Variants in CPED1 observed in about 807,000 individuals in gnomAD.
CPED1 encodes the protein cadherin-like and PC-esterase domain-containing protein 1.
In CPED1, 114 loss-of-function variants were observed where a neutral mutation model predicts 128.2. The observed-to-expected ratio is 0.89, with a 90% CI of 0.76 to 1.04. The LOEUF is 1.04. Ranked by LOEUF, CPED1 falls within the 50% of genes least tolerant of loss-of-function variation. The pLI, the probability that CPED1 is intolerant of heterozygous loss-of-function variation, is 0.00. For missense variants in CPED1, 1,211 were observed against 1,207.1 expected, an observed-to-expected ratio of 1.00 and a Z score of -0.05; for synonymous variants, 462 against 426.7, an observed-to-expected ratio of 1.08 and a Z score of -1.02.
chr7:121,191,026 C>T (rs915400066), intron 16 of CPED1, among the ~76,000 whole-genome samples: 1 of 152,078 alleles, frequency 6.6e-6, no homozygotes, highest in African/African-American at 2.4e-5. Context: ...AGTATTGTTC[C>T]TTTAGCCTAT....
chr7:121,191,091 T>A (rs1426686982), intron 16 of CPED1, among the ~76,000 whole-genome samples: 1 of 152,096 alleles, frequency 6.6e-6, no homozygotes, highest in Non-Finnish European at 1.5e-5. Context: ...AAATAGAGAA[T>A]TAATGGAATG....
intron 18 of CPED1, among the ~76,000 whole-genome samples, chr7:121,265,745 C>T (rs1310055128): frequency 1.3e-5 from 2 of 151,994 alleles, no homozygotes; most frequent in Non-Finnish European, 2.9e-5. Flanking sequence ...CTAGGACATG[C>T]ACCGCTGTTC....
intron 7 of CPED1, among the ~76,000 whole-genome samples, chr7:121,110,809 T>G (rs1795090777): frequency 6.6e-6 from 1 of 152,158 alleles, no homozygotes; most frequent in Non-Finnish European, 1.5e-5. Flanking sequence ...GAGAACAGAT[T>G]GAAGAGAATT....
intron 16 of CPED1, among the ~76,000 whole-genome samples, chr7:121,144,106 A>G (rs760967674): frequency 2.0e-5 from 3 of 152,114 alleles, no homozygotes; most frequent in Non-Finnish European, 2.9e-5. Flanking sequence ...AAACTAGTAC[A>G]GCCACTGTGG....
chr7:121,187,011 C>A lies in CPED1; in HGVS notation c.2055+44870C>A, dbSNP rs146397145. On this transcript the variant is annotated intron_variant, in intron 16 of 22. Coordinates refer to ENST00000310396, the MANE Select transcript of CPED1 (RefSeq NM_024913.5). ...CTGCCCCTGGGCTCTGGAGCACATT[C>A]ATTCATTCATTCTAGATGCAATTTT... Among the ~76,000 whole-genome samples, 832 of 152,306 alleles carry A rather than the reference C, an allele frequency of 5.5e-3. 6 individuals carry two copies. The highest frequency in any genetic ancestry group is 0.018 in the African/African-American group (767 of 41,576).
chr7:121,113,326 A>G (rs1257028317), intron 7 of CPED1, among the ~76,000 whole-genome samples: 1 of 152,198 alleles, frequency 6.6e-6, no homozygotes, highest in African/African-American at 2.4e-5. Context: ...GGGGAGAGTT[A>G]TATATTTATA....
intron 21 of CPED1, among the ~76,000 whole-genome samples, chr7:121,270,961 G>A (rs776602197): frequency 1.4e-4 from 21 of 151,864 alleles, no homozygotes; most frequent in Non-Finnish European, 2.4e-4. Context: ...GATTGCTTTC[G>A]GCAGTAATGT....
At position 121,141,019 on chromosome 7, in the gene CPED1, A is replaced by C. The variant is rs1378732084; in HGVS notation, c.1886+6A>C. The stretch of plus-strand genomic sequence containing the variant: ...TACGAGCAGGCAGGGCCAAGGTATG[A>C]GATGTTGACTGGGGCTGTGTTGAGA... On this transcript the variant is annotated splice_donor_region_variant and intron_variant, in intron 15 of 22. Coordinates refer to ENST00000310396, the MANE Select transcript of CPED1 (RefSeq NM_024913.5). The C allele has an allele frequency of 1.2e-6, 2 of 1,603,234 alleles. No homozygotes were observed. The highest frequency in any genetic ancestry group is 2.2e-5 in the East Asian group (1 of 44,586).
intron 2 of CPED1, among the ~76,000 whole-genome samples, chr7:121,013,704 A>G (rs780282615): frequency 9.9e-5 from 15 of 152,216 alleles, no homozygotes; most frequent in Non-Finnish European, 1.9e-4. Context: ...TTAGATGCAG[A>G]GTTTGTGTCC....
intron 7 of CPED1, among the ~76,000 whole-genome samples, chr7:121,117,999 A>G (rs1448853219): frequency 6.6e-6 from 1 of 152,080 alleles, no homozygotes; most frequent in Non-Finnish European, 1.5e-5. Context: ...TAGGTAACAA[A>G]TCCTTCACAA....
At chr7:121,091,048 G>T (rs572600871) in intron 5 of CPED1, among the ~76,000 whole-genome samples, 3 of 151,682 alleles carry the variant, frequency 2.0e-5, no homozygotes, top group Non-Finnish European at 4.4e-5. Context: ...AATAGTTCCT[G>T]GAGTTTTGTC....
intron 16 of CPED1, among the ~76,000 whole-genome samples, chr7:121,214,792 G>A (rs1198902403): frequency 6.6e-6 from 1 of 151,984 alleles, no homozygotes; most frequent in African/African-American, 2.4e-5. Context: ...AGTTTTGAAA[G>A]CATTAGCATT....
rs754472602 is a variant in CPED1, at chr7:121,127,095, C to T, written c.1140C>T (p.His380=). The change falls in exon 10 of 23, where the codon CAC becomes CAT. Residue 380 remains histidine (H), a synonymous_variant. Transcript: ENST00000310396. ...GTGCTTTTGTTCTTTCAAAGGTACA[C>T]GAGCATTTAAATTTTCAAGATTATG... The part of the protein sequence containing the change: ...SFMYPVVLQV[H]EHLNFQDYDN... 55 of 1,584,858 alleles carry T rather than the reference C, an allele frequency of 3.5e-5. No individual in the cohort carries two copies. Among genetic ancestry groups the T allele is most frequent in the African/African-American group, 5.4e-5 (4 of 73,446 alleles).
In CPED1 at chr7:121,008,454, C is replaced by T. The variant is rs143326818; in HGVS notation, c.250-7211C>T. On this transcript the variant is annotated intron_variant, in intron 2 of 22. Coordinates refer to ENST00000310396, the MANE Select transcript of CPED1 (RefSeq NM_024913.5). ...GGCCTTCAAGGTCAACAGCAAGGAC[C>T]TTCAAGAGAAAAAAGACAATTCTTC... Among the ~76,000 whole-genome samples, 757 of 152,168 alleles carry T rather than the reference C, an allele frequency of 5.0e-3. 4 individuals carry two copies. Among genetic ancestry groups the T allele is most frequent in the Middle Eastern group, 0.02 (6 of 294 alleles).
chr7:121,231,059 T>C (rs974187532), intron 16 of CPED1, among the ~76,000 whole-genome samples: 5 of 151,992 alleles, frequency 3.3e-5, no homozygotes, highest in Non-Finnish European at 1.5e-5. Context: ...GGTTATGCCA[T>C]GAAGATGAAT....
intron 22 of CPED1, among the ~76,000 whole-genome samples, chr7:121,278,181 T>C (rs1792366977): frequency 6.6e-6 from 1 of 151,964 alleles, no homozygotes; most frequent in South Asian, 2.1e-4. Flanking sequence ...AAATATTGGA[T>C]TTAAAGGAGG....
At position 121,128,417 on chromosome 7, in the gene CPED1, G is replaced by A. The variant is rs1795562021; in HGVS notation, c.1338G>A (p.Leu446=). The A allele has an allele frequency of 6.2e-7, 1 of 1,602,076 alleles. No individual in the cohort carries two copies. The highest frequency in any genetic ancestry group is 8.6e-7 in the Non-Finnish European group (1 of 1,169,412). The part of the protein sequence containing the change: ...ENYQKELNQC[L]SLEEINSIMT... The stretch of plus-strand genomic sequence containing the variant: ...ATCAAAAGGAACTAAATCAGTGTCT[G>A]TCCTTAGAAGAAATTAACTCAATTA... Residue 446 remains leucine (L), a synonymous_variant, in exon 11 of 23, where the codon CTG becomes CTA. Coordinates refer to ENST00000310396, the MANE Select transcript of CPED1 (RefSeq NM_024913.5).
rs746723828 is a variant in CPED1, at chr7:121,140,904, A to T, written c.1777A>T (p.Ile593Phe). The T allele has an allele frequency of 1.2e-6, 2 of 1,612,552 alleles. No individual in the cohort carries two copies. The highest frequency in any genetic ancestry group is 4.5e-5 in the East Asian group (2 of 44,830). The change falls in exon 15 of 23, where the codon ATC becomes TTC. Residue 593 changes from isoleucine (I) to phenylalanine (F), a missense_variant. Transcript: ENST00000310396. ...LELNPDFHPK[I>F]KDYYCEVPFD... ...ACTAAATCCTGACTTTCATCCAAAG[A>T]TCAAAGATTATTACTGTGAAGTCCC...
intron 7 of CPED1, among the ~76,000 whole-genome samples, chr7:121,102,083 CTA>C (rs1323491006): frequency 6.6e-6 from 1 of 152,150 alleles, no homozygotes; most frequent in Non-Finnish European, 1.5e-5. Flanking sequence ...CACTTAAAAA[CTA>C]TGTATATTTT....
Sources: gnomAD v4.1 joint callset for allele counts (sites outside exome capture counted in the v4.1 genomes callset) on GRCh38, gnomAD v4.1.1 for gene constraint, MANE v1.5 for transcripts, NCBI Gene and HGNC (gene_info 2026-07-23, HGNC 2026-07-21) for gene names.